FANCB: variants seen among roughly 807,000 people sequenced by gnomAD.
The protein encoded by FANCB is Fanconi anemia group B protein.
Under a neutral mutation model 38.9 loss-of-function variants are expected in FANCB, and 5 were observed. The observed-to-expected ratio is 0.13, with a 90% CI of 0.07 to 0.27. The LOEUF (loss-of-function observed/expected upper bound fraction) is 0.27. Among genes scored for constraint, FANCB ranks in the 10% least tolerant of loss-of-function variants. The pLI is 1.00. For missense variants in FANCB, 573 were observed against 602.7 expected, an observed-to-expected ratio of 0.95 and a Z score of 0.52; for synonymous variants, 236 against 215.4, an observed-to-expected ratio of 1.10 and a Z score of -0.84.
At chrX:14,858,387 ACT>A (rs1401538661) in intron 4 of FANCB, among the ~76,000 whole-genome samples, 1 of 107,285 alleles carries the variant, frequency 9.3e-6, no homozygotes, top group Admixed American at 1.0e-4. Flanking sequence ...ACAGAGCAAG[ACT>A]CTGTCTCCAA....
chrX:14,702,663 CA>C, the FANCB span, among the ~76,000 whole-genome samples: 1 of 111,187 alleles, frequency 9.0e-6, no homozygotes, highest in Non-Finnish European at 1.9e-5. Flanking sequence ...TCTGTAGGTC[CA>C]AAATGGGCCT....
At chrX:14,833,795 T>TA (rs371406047), downstream of FANCB, among the ~76,000 whole-genome samples, 11 of 108,204 alleles carry the variant, frequency 1.0e-4, no homozygotes, top group African/African-American at 2.4e-4. Context: ...CCTCGTCTCT[T>TA]AAAAAAAAAT....
chrX:14,722,898 A>G, the FANCB span, among the ~76,000 whole-genome samples: 20 of 112,858 alleles, frequency 1.8e-4, no homozygotes, highest in East Asian at 5.3e-3. Context: ...CAGAGCAAAG[A>G]TTTATTCTGA....
the FANCB span, among the ~76,000 whole-genome samples, chrX:14,772,297 G>A: frequency 1.8e-5 from 2 of 112,214 alleles, no homozygotes; most frequent in African/African-American, 6.5e-5. Context: ...ATAGAACCCT[G>A]GCTGGAATGG....
chrX:14,722,141 A>G, the FANCB span, among the ~76,000 whole-genome samples: 1 of 112,033 alleles, frequency 8.9e-6, no homozygotes, highest in South Asian at 3.7e-4. Flanking sequence ...TAAAACGATA[A>G]CAAGCAGTTC....
chrX:14,863,623 C>T (rs775513243), intron 3 of FANCB, among the ~76,000 whole-genome samples: 62 of 111,853 alleles, frequency 5.5e-4, no homozygotes, highest in Non-Finnish European at 1.0e-3. Flanking sequence ...AGAACAATTT[C>T]CAAACTTAAA....
chrX:14,744,848 G>A, the FANCB span, among the ~76,000 whole-genome samples: 5 of 111,319 alleles, frequency 4.5e-5, no homozygotes, highest in East Asian at 2.8e-4. Context: ...GTACCTGCAC[G>A]GAACACATCA....
chrX:14,785,439 G>A, the FANCB span, among the ~76,000 whole-genome samples: 1 of 111,931 alleles, frequency 8.9e-6, no homozygotes, highest in African/African-American at 3.2e-5. Context: ...TACTTGACTT[G>A]GTGCAGGTAA....
chrX:14,723,764 C>T, the FANCB span, among the ~76,000 whole-genome samples: 3 of 111,935 alleles, frequency 2.7e-5, no homozygotes, highest in African/African-American at 9.7e-5. Context: ...TTTTAAATCT[C>T]TAATGAAATA....
At chrX:14,709,344 A>G in the FANCB span, among the ~76,000 whole-genome samples, 1 of 112,050 alleles carries the variant, frequency 8.9e-6, no homozygotes, top group African/African-American at 3.3e-5. Context: ...CAACAATTAG[A>G]TCAACAGATA....
the FANCB span, among the ~76,000 whole-genome samples, chrX:14,732,840 CTGA>C: frequency 1.8e-5 from 2 of 111,876 alleles, no homozygotes; most frequent in African/African-American, 6.5e-5. Context: ...CCTGTTGATT[CTGA>C]TGATATTTTC....
At chrX:14,765,791 G>A in the FANCB span, among the ~76,000 whole-genome samples, 1 of 111,825 alleles carries the variant, frequency 8.9e-6, no homozygotes. Context: ...AATGGCAAAT[G>A]CACATTACAC....
At chrX:14,829,701 T>A in the FANCB span, among the ~76,000 whole-genome samples, 1 of 111,522 alleles carries the variant, frequency 9.0e-6, no homozygotes, top group Non-Finnish European at 1.9e-5. Flanking sequence ...TTCCCTCACC[T>A]CTCTCAGCTC....
At chrX:14,785,892 A>C in the FANCB span, among the ~76,000 whole-genome samples, 1 of 111,621 alleles carries the variant, frequency 9.0e-6, no homozygotes, top group Non-Finnish European at 1.9e-5. Context: ...ATTCCATTTT[A>C]GAGTGTGCTT....
the FANCB span, among the ~76,000 whole-genome samples, chrX:14,818,156 T>C: frequency 2.7e-5 from 3 of 110,300 alleles, no homozygotes; most frequent in African/African-American, 9.9e-5. Flanking sequence ...AGCATAATGC[T>C]TGACTCAGGT....
the FANCB span, among the ~76,000 whole-genome samples, chrX:14,788,307 G>C: frequency 9.0e-6 from 1 of 111,649 alleles, no homozygotes; most frequent in Non-Finnish European, 1.9e-5. Flanking sequence ...AAGGTTATTG[G>C]AATCTAAAGG....
chrX:14,740,368 C>T, the FANCB span, among the ~76,000 whole-genome samples: 1 of 111,155 alleles, frequency 9.0e-6, no homozygotes, highest in East Asian at 2.8e-4. Context: ...CATGATCTAA[C>T]TACATGATCT....
chrX:14,788,341 G>A, the FANCB span, among the ~76,000 whole-genome samples: 4 of 111,638 alleles, frequency 3.6e-5, no homozygotes, highest in East Asian at 5.6e-4. Flanking sequence ...TGTGGAATAC[G>A]GACTCAGACA....
At chrX:14,798,263 C>T in the FANCB span, among the ~76,000 whole-genome samples, 3 of 110,070 alleles carry the variant, frequency 2.7e-5, no homozygotes, top group Non-Finnish European at 5.7e-5. Context: ...CCCAGGTTCA[C>T]GCCATTCTCT....
Sources: allele counts gnomAD v4.1 joint callset (sites outside exome capture counted in the v4.1 genomes callset), GRCh38; gene constraint gnomAD v4.1.1; transcripts MANE v1.5; gene names NCBI Gene and HGNC (gene_info 2026-07-23, HGNC 2026-07-21).